EML1: variants seen among roughly 807,000 people sequenced by gnomAD.
EML1 encodes EMAP like 1, also known as echinoderm microtubule-associated protein-like 1.
In EML1, 27 loss-of-function variants were observed where a neutral mutation model predicts 110.4. That is an observed-to-expected ratio of 0.24 (90% CI 0.18 to 0.34). The LOEUF (loss-of-function observed/expected upper bound fraction) is 0.34. Ranked by LOEUF, EML1 falls within the 10% of genes least tolerant of loss-of-function variation. The pLI, the probability that EML1 is intolerant of heterozygous loss-of-function variation, is 1.00. For missense variants in EML1, 741 were observed against 1,030.9 expected (o/e 0.72, Z 3.85); for synonymous variants, 344 against 385.8 (o/e 0.89, Z 1.27).
chr14:99,756,275 T>C (rs904374320), intron 1 of EML1, among the ~76,000 whole-genome samples: 6 of 152,090 alleles, frequency 3.9e-5, no homozygotes, highest in African/African-American at 1.2e-4. Context: ...GGGGGTTTGG[T>C]GGTGGGGGCA....
chr14:99,936,937 C>T lies in EML1; in HGVS notation c.2095+603C>T, dbSNP rs756479426. On this transcript the variant is annotated intron_variant, in intron 19 of 21. Transcript: ENST00000262233. This position sits in a 1 kb window ranked among gnomAD's most constrained non-coding sequence, Gnocchi z 5.5. ...GTGCCCCACTCTGGGCCACGCAGGG[C>T]GGCGCGTGGGCACAAGGAAGGCCTC... is the stretch of plus-strand genomic sequence containing the variant. Among the ~76,000 whole-genome samples the T allele has an allele frequency of 1.3e-5, 2 of 152,346 alleles. No individual in the cohort carries two copies. The highest frequency in any genetic ancestry group is 2.1e-4 in the South Asian group (1 of 4,834).
chr14:99,737,903 A>G, intron 1 of EML1: 1 of 1,285,670 alleles, frequency 7.8e-7, no homozygotes, highest in Non-Finnish European at 1.0e-6. Context: ...CTCCGGTTGC[A>G]GAGCCAAGGC....
At chr14:99,748,004 C>T (rs1044990668) in intron 1 of EML1, among the ~76,000 whole-genome samples, 23 of 152,326 alleles carry the variant, frequency 1.5e-4, no homozygotes, top group African/African-American at 5.5e-4. Flanking sequence ...TCCCTTAGGG[C>T]CGACAGCTGT....
intron 1 of EML1, among the ~76,000 whole-genome samples, chr14:99,747,184 T>A (rs2057120013): frequency 3.0e-5 from 1 of 33,358 alleles, no homozygotes; most frequent in African/African-American, 8.9e-5. Flanking sequence ...CTAGACCCCG[T>A]CTCAAAAAAA....
At chr14:99,885,493 A>G (rs2059457750) in intron 4 of EML1, among the ~76,000 whole-genome samples, 1 of 152,244 alleles carries the variant, frequency 6.6e-6, no homozygotes, top group Non-Finnish European at 1.5e-5. Flanking sequence ...TGTCTAGCCC[A>G]TGACTGCATT....
At chr14:99,796,826 C>T (rs1365029626) in intron 1 of EML1, among the ~76,000 whole-genome samples, 5 of 151,884 alleles carry the variant, frequency 3.3e-5, no homozygotes, top group Admixed American at 6.6e-5. Context: ...CCTGAGAAAA[C>T]GGAGGCTCGA....
At chr14:99,744,073 A>G (rs987151189) in intron 1 of EML1, among the ~76,000 whole-genome samples, 23 of 152,046 alleles carry the variant, frequency 1.5e-4, no homozygotes, top group African/African-American at 4.8e-4. Flanking sequence ...CAAATTTCCA[A>G]TTTTTGCACT....
chr14:99,823,789 A>G (rs117340940), intron 1 of EML1, among the ~76,000 whole-genome samples: 3,979 of 152,238 alleles, frequency 0.026, 84 homozygotes, highest in Non-Finnish European at 0.041. Flanking sequence ...CAGTGACTGA[A>G]GGGACAGAGT....
intron 1 of EML1, among the ~76,000 whole-genome samples, chr14:99,812,221 G>C (rs575028314): frequency 4.0e-5 from 6 of 151,884 alleles, no homozygotes; most frequent in African/African-American, 1.4e-4. Context: ...TAATTCAGGG[G>C]GTTAGGGTTG....
At chr14:99,937,790 T>C (rs1165076007) in intron 19 of EML1, 27 bp from the exon 20 acceptor site, 8 of 1,608,882 alleles carry the variant, frequency 5.0e-6, no homozygotes, top group Non-Finnish European at 6.8e-6. Flanking sequence ...TTGGCTTAGA[T>C]GTTGCCAGAC....
chr14:99,921,384 C>G (rs73343741), intron 17 of EML1, among the ~76,000 whole-genome samples: 3,145 of 152,254 alleles, frequency 0.021, 97 homozygotes, highest in African/African-American at 0.067. Context: ...AAAATCCCAA[C>G]AGAATTGAGA....
intron 1 of EML1, among the ~76,000 whole-genome samples, chr14:99,811,591 C>G (rs2058080319): frequency 6.7e-6 from 1 of 148,398 alleles, no homozygotes; most frequent in African/African-American, 2.5e-5. Context: ...TCACTTGACC[C>G]TAGGAGTTTT....
chr14:99,796,696 G>A (rs2139673162), intron 1 of EML1, among the ~76,000 whole-genome samples: 1 of 151,440 alleles, frequency 6.6e-6, no homozygotes, highest in East Asian at 1.9e-4. Context: ...AAAACCTGAA[G>A]TGTTTTAAAA....
chr14:99,761,240 A>G (rs2057310897), intron 1 of EML1, among the ~76,000 whole-genome samples: 1 of 152,106 alleles, frequency 6.6e-6, no homozygotes, highest in South Asian at 2.1e-4. Flanking sequence ...GGAGACTGTA[A>G]TCATCACCTC....
At position 99,939,734 on chromosome 14, in the gene EML1, C is replaced by T. The variant is rs2060549416; in HGVS notation, c.2323-253C>T. On this transcript the variant is annotated intron_variant, in intron 21 of 21. Transcript: ENST00000262233. The surrounding 1 kb of genome is among the most constrained non-coding windows in gnomAD (Gnocchi z 4.2). The stretch of plus-strand genomic sequence containing the variant: ...CTTTGGGGCGACCTCATACCTGGCA[C>T]CTCTGATACTGAGCATATCTCTCGG... Among the ~76,000 whole-genome samples, 1 of 152,268 alleles carries T rather than the reference C, an allele frequency of 6.6e-6. No individual in the cohort carries two copies. The highest frequency in any genetic ancestry group is 1.5e-5 in the Non-Finnish European group (1 of 68,026).
intron 1 of EML1, among the ~76,000 whole-genome samples, chr14:99,796,660 A>G (rs2139673013): frequency 6.7e-6 from 1 of 149,500 alleles, no homozygotes; most frequent in African/African-American, 2.5e-5. Context: ...CAGCTCACAA[A>G]CTTCTTTTAA....
chr14:99,796,926 TGTGTGTGTGTGA>T (rs533729734), intron 1 of EML1, among the ~76,000 whole-genome samples: 6 of 139,084 alleles, frequency 4.3e-5, no homozygotes, highest in African/African-American at 1.5e-4. Flanking sequence ...TGTGTGTGTG[TGTGTGTGTGTGA>T]GAGAGTAATA....
rs1490333202 is a variant in EML1, at chr14:99,927,857, G to A, written c.1909+6980G>A. On this transcript the variant is annotated intron_variant, in intron 17 of 21. Coordinates refer to ENST00000262233, the MANE Select transcript of EML1 (RefSeq NM_004434.3). ...TATTGGTGGTGGTGATGGTGGTGGT[G>A]GTAGTGGTAGTAGTGGTGGCGGTGG... 9.5e-4 allele frequency among the ~76,000 whole-genome samples: 51 copies of A among 53,802 alleles called. 2 individuals are homozygous for A. The highest frequency in any genetic ancestry group is 9.3e-3 in the Middle Eastern group (1 of 108). The allele number at this position is 53,802 out of a possible 152,430, so 35.3% of individuals were successfully genotyped here.
rs570685876 is a variant in EML1 at position 99,764,326 on chromosome 14, C to A, written c.28+26466C>A. ...TTTTACAGATGAGGGAAGTGCGGCT[C>A]AGAGAGGCTAAGCGATTTGCCCAAG... On this transcript the variant is annotated intron_variant, in intron 1 of 10. Transcript: ENST00000554479. 4.6e-5 allele frequency among the ~76,000 whole-genome samples: 7 copies of A among 152,356 alleles called. 1 individual carries two copies. In the East Asian group the frequency reaches 1.4e-3, roughly 29 times the overall value.
Sources: allele counts gnomAD v4.1 joint callset (sites outside exome capture counted in the v4.1 genomes callset), GRCh38; gene constraint gnomAD v4.1.1; non-coding constraint Gnocchi (gnomAD v3.1); transcripts MANE v1.5; gene names NCBI Gene and HGNC (gene_info 2026-07-23, HGNC 2026-07-21).